F5: variants seen among roughly 807,000 people sequenced by gnomAD.
F5 encodes coagulation factor V.
Under a neutral mutation model 216.4 loss-of-function variants are expected in F5, and 138 were observed. The ratio of observed to expected loss-of-function variants is 0.64; its 90% CI spans 0.56 to 0.73. F5 has a LOEUF of 0.73. Ranked by LOEUF, F5 falls within the 30% of genes least tolerant of loss-of-function variation. The probability of loss-of-function intolerance (pLI) is 0.00; values close to 1 mark genes in which losing one functional copy is unlikely to be tolerated. For synonymous variants in F5, 916 were observed against 930.7 expected (o/e 0.98, Z 0.29); for missense variants, 2,403 against 2,674.0 (o/e 0.90, Z 2.24).
chr1:169,529,537 T>C (rs1321276742), intron 16 of F5, 71 bp downstream of exon 16: 3 of 1,376,996 alleles, frequency 2.2e-6, no homozygotes, highest in Non-Finnish European at 3.1e-6. Flanking sequence ...CTTGTGAATA[T>C]CTAAGGGCAG....
chr1:169,538,900 A>T (rs1659768389), intron 13 of F5, among the ~76,000 whole-genome samples: 2 of 152,092 alleles, frequency 1.3e-5, no homozygotes, highest in African/African-American at 4.8e-5. Context: ...GCTGGTTGTG[A>T]TATAGTATTA....
Position 169,541,756 on chromosome 1 carries a change from T to C in F5, c.3334A>G (p.Ser1112Gly). Residue 1112 changes from serine (S) to glycine (G), a missense_variant, in exon 13 of 25, where the codon AGC (serine) becomes GGC (glycine). This residue lies in a region of F5 where 1,425 missense variants were observed against 1,554.8 expected (regional missense o/e 0.92). Coordinates refer to ENST00000367797, the MANE Select transcript of F5 (RefSeq NM_000130.5). ...QNSSNDTGQA[S>G]CPPGLYQTVP... ...GTCTGATAAAGACCTGGAGGACAGCTTGCCTGACCAGTGTCATTTGAGGAA... is the reference window on the plus strand; with the variant it reads ...GTCTGATAAAGACCTGGAGGACAGCCTGCCTGACCAGTGTCATTTGAGGAA... 1.9e-6 allele frequency: 3 copies of C among 1,614,066 alleles called. No homozygotes were observed.
intron 3 of F5, among the ~76,000 whole-genome samples, chr1:169,564,773 A>G (rs1053594462): frequency 4.6e-5 from 7 of 152,084 alleles, no homozygotes; most frequent in African/African-American, 1.7e-4. Flanking sequence ...GCATGGCATC[A>G]GCATATGTTT....
At chr1:169,564,506 T>A (rs724509) in intron 3 of F5, among the ~76,000 whole-genome samples, 46,080 of 151,784 alleles carry the variant, frequency 0.3, 8,938 homozygotes, top group East Asian at 0.65. Flanking sequence ...GGTTTGTTAC[T>A]CTTCTTTTAC....
intron 13 of F5, 97 bp downstream of exon 13, chr1:169,540,197 G>A: frequency 7.6e-7 from 1 of 1,321,666 alleles, no homozygotes; most frequent in Non-Finnish European, 1.1e-6. Context: ...ACTGTTCTTA[G>A]TATAATTTGC....
chr1:169,544,631 T>G, intron 11 of F5, 123 bp from the exon 12 acceptor site: 24 of 831,496 alleles, frequency 2.9e-5, no homozygotes, highest in Non-Finnish European at 4.4e-5. Context: ...TTATCCAAGA[T>G]AAGCTTTATC....
chr1:169,539,236 G>A (rs546083819), intron 13 of F5, among the ~76,000 whole-genome samples: 1 of 152,126 alleles, frequency 6.6e-6, no homozygotes, highest in East Asian at 1.9e-4. Context: ...ATCTCCTTCT[G>A]CCTTTCTTCT....
chr1:169,546,365 G>C, intron 11 of F5, 77 bp downstream of exon 11: 1 of 1,557,102 alleles, frequency 6.4e-7, no homozygotes, highest in Non-Finnish European at 8.8e-7. Context: ...TTTAATCCAT[G>C]TCTCTGACTC....
rs554845461 is a variant in F5 at position 169,554,113 on chromosome 1, T to C, written c.1118+1069A>G. 6.6e-5 allele frequency among the ~76,000 whole-genome samples: 10 copies of C among 152,274 alleles called. No individual in the cohort carries two copies. In the East Asian group the frequency reaches 1.9e-3, roughly 29 times the overall value. Reference sequence around the variant, plus strand: ...TTAATAGAAAATACATTCACATAATTTTTATTACAGTGAAAACTCTCACTT... The same window carrying C: ...TTAATAGAAAATACATTCACATAATCTTTATTACAGTGAAAACTCTCACTT... On this transcript the variant is annotated intron_variant, in intron 7 of 24. Coordinates refer to ENST00000367797, the MANE Select transcript of F5 (RefSeq NM_000130.5).
rs774833769 is a variant in F5 at position 169,529,764 on chromosome 1, T to C, written c.5263A>G (p.Ile1755Val). Reference protein sequence around the residue: ...IGPLLICQKGILHKDSNMPMD... With the variant: ...IGPLLICQKGVLHKDSNMPMD... The stretch of plus-strand genomic sequence containing the variant: ...GGCATGTTGCTGTCCTTATGTAGTA[T>C]TCCTTTTTGGCAGATTAGGAGGGGA... The change falls in exon 16 of 25, where the codon ATA becomes GTA. Residue 1755 changes from isoleucine (I) to valine (V), a missense_variant. Around this residue, in one of 4 missense-constraint regions of F5, gnomAD observed 659 missense variants for 787.9 expected, o/e 0.84. Coordinates refer to ENST00000367797, the MANE Select transcript of F5 (RefSeq NM_000130.5). 1 of 1,613,754 alleles carries C rather than the reference T, an allele frequency of 6.2e-7. No homozygotes were observed. The highest frequency in any genetic ancestry group is 8.5e-7 in the Non-Finnish European group (1 of 1,179,766).
chr1:169,525,183 T>C (rs1173158861), intron 18 of F5, among the ~76,000 whole-genome samples: 2 of 152,124 alleles, frequency 1.3e-5, no homozygotes, highest in Non-Finnish European at 2.9e-5. Context: ...TATCTTAAAT[T>C]ATGCTATTTT....
chr1:169,524,488 G>C (rs9332640), intron 19 of F5, among the ~76,000 whole-genome samples: 62,599 of 152,054 alleles, frequency 0.41, 14,396 homozygotes, highest in Non-Finnish European at 0.53. Context: ...GGTCATAAGA[G>C]TAAGGTATCT....
chr1:169,529,434 G>A (rs1417169711), intron 16 of F5, among the ~76,000 whole-genome samples, 174 bp downstream of exon 16: 1 of 152,148 alleles, frequency 6.6e-6, no homozygotes, highest in Non-Finnish European at 1.5e-5. Flanking sequence ...CTCACCCACA[G>A]TGTCACCTGC....
intron 5 of F5, 97 bp downstream of exon 5, chr1:169,559,056 T>G (rs1049901597): frequency 3.2e-5 from 42 of 1,329,610 alleles, no homozygotes; most frequent in Non-Finnish European, 4.3e-5. Flanking sequence ...TGCAAAACAG[T>G]GAGTATGGTC....
intron 3 of F5, among the ~76,000 whole-genome samples, chr1:169,563,086 G>T (rs1043527341): frequency 6.6e-6 from 1 of 151,906 alleles, no homozygotes; most frequent in Non-Finnish European, 1.5e-5. Flanking sequence ...ACTTGGTATA[G>T]AATACTAAAC....
intron 4 of F5, among the ~76,000 whole-genome samples, chr1:169,560,115 A>T (rs1468079911): frequency 6.6e-6 from 1 of 152,190 alleles, no homozygotes; most frequent in Non-Finnish European, 1.5e-5. Flanking sequence ...TTTGTAAGAA[A>T]GGAAGCTGGC....
intron 22 of F5, among the ~76,000 whole-genome samples, chr1:169,519,426 T>C (rs9332663): frequency 0.019 from 2,860 of 152,222 alleles, 88 homozygotes; most frequent in African/African-American, 0.065. Context: ...TTATACCATA[T>C]GGAAAGAAAA....
intron 13 of F5, among the ~76,000 whole-genome samples, chr1:169,539,091 A>C (rs956907557): frequency 2.6e-5 from 4 of 152,314 alleles, no homozygotes; most frequent in Non-Finnish European, 4.4e-5. Flanking sequence ...CATCTAGTTC[A>C]TTGGCTCAGT....
chr1:169,583,689 G>A (rs899359896), intron 1 of F5, among the ~76,000 whole-genome samples: 1 of 152,232 alleles, frequency 6.6e-6, no homozygotes, highest in African/African-American at 2.4e-5. Flanking sequence ...TGTAATAAGA[G>A]TTAGTCTTTA....
Sources: gnomAD v4.1 joint callset for allele counts (sites outside exome capture counted in the v4.1 genomes callset) on GRCh38, gnomAD v4.1.1 for gene constraint, gnomAD v4.1.1 regional missense constraint, MANE v1.5 for transcripts, NCBI Gene and HGNC (gene_info 2026-07-23, HGNC 2026-07-21) for gene names.